The following PON2 variants were observed in gnomAD, a reference collection of about 807,000 sequenced individuals.
The protein encoded by PON2 is paraoxonase 2, also known as serum paraoxonase/arylesterase 2.
Under a neutral mutation model 36.6 loss-of-function variants are expected in PON2, and 27 were observed. The observed-to-expected ratio is 0.74, with a 90% confidence interval of 0.54 to 1.02. The LOEUF (loss-of-function observed/expected upper bound fraction) is 1.02. PON2 is among the 50% of genes least tolerant of loss of function. The pLI, the probability that PON2 is intolerant of heterozygous loss-of-function variation, is 0.00. For synonymous variants in PON2, 149 were observed against 156.3 expected, an observed-to-expected ratio of 0.95 and a Z score of 0.35; for missense variants, 363 against 421.1, an observed-to-expected ratio of 0.86 and a Z score of 1.21.
intron 4 of PON2, among the ~76,000 whole-genome samples, 175 bp downstream of exon 4, chr7:95,412,137 A>G (rs1370574743): frequency 2.6e-5 from 4 of 152,266 alleles, no homozygotes; most frequent in African/African-American, 9.6e-5. Context: ...AAAATGTAGC[A>G]TAACTTACTG....
intron 2 of PON2, 190 bp from the exon 3 acceptor site, chr7:95,416,487 T>C (rs1789065883): frequency 1.6e-6 from 1 of 634,530 alleles, no homozygotes; most frequent in African/African-American, 1.8e-5. Flanking sequence ...CTTCTGACTT[T>C]AAATGTTAGA....
In PON2 at chr7:95,411,746, G is replaced by T; in HGVS notation, c.401C>A (p.Pro134Gln). The T allele has an allele frequency of 2.5e-6, 4 of 1,613,448 alleles. No individual in the cohort carries two copies. Among genetic ancestry groups the T allele is most frequent in the Non-Finnish European group, 3.4e-6 (4 of 1,179,514 alleles). Residue 134 changes from proline to glutamine, a missense_variant, in exon 5 of 9, where the codon CCA becomes CAA. Physicochemically the swap from Pro to Gln is moderately conservative, Grantham distance 76. Coordinates refer to ENST00000222572, the MANE Select transcript of PON2 (RefSeq NM_000305.3). Reference protein sequence around the residue: ...DTVYLFVVNHPEFKNTVEIFK... With the variant: ...DTVYLFVVNHQEFKNTVEIFK... Reference sequence around the variant, plus strand: ...AATTTCCACTGTATTCTTGAATTCTGGGTGGTTTACAACAAAGAGATAAAC... The same window carrying T: ...AATTTCCACTGTATTCTTGAATTCTTGGTGGTTTACAACAAAGAGATAAAC...
chr7:95,424,605 A>C lies in PON2; in HGVS notation c.75-20T>G, dbSNP rs777887725. 1.0e-5 allele frequency: 16 copies of C among 1,580,600 alleles called. No homozygotes were observed. The East Asian group carries it at 1.1e-4, about 11-fold the overall frequency. On this transcript the variant is annotated intron_variant, in intron 1 of 8. Coordinates refer to ENST00000222572, the MANE Select transcript of PON2 (RefSeq NM_000305.3). ...CGATTTCTGTTACAAAGAAAAAAAA[A>C]CAAAAAACAAAAAACTATTTGTTTA...
rs535259292 is a variant in PON2 at position 95,408,250 on chromosome 7, T to C, written c.696-1182A>G. ...GGGAGCCCTTCAAGGCTAATAGAGATAGACAGACAAAATTGGCAAGAGTGA... is the reference window on the plus strand; with the variant it reads ...GGGAGCCCTTCAAGGCTAATAGAGACAGACAGACAAAATTGGCAAGAGTGA... On this transcript the variant is annotated intron_variant, in intron 6 of 8. Coordinates refer to ENST00000222572, the MANE Select transcript of PON2 (RefSeq NM_000305.3). Among the ~76,000 whole-genome samples the C allele has an allele frequency of 3.3e-5, 5 of 152,158 alleles. No individual in the cohort carries two copies. The South Asian group carries it at 1.0e-3, about 32-fold the overall frequency.
intron 1 of PON2, among the ~76,000 whole-genome samples, chr7:95,425,963 G>A (rs909840981): frequency 1.3e-5 from 2 of 151,960 alleles, no homozygotes; most frequent in Non-Finnish European, 2.9e-5. Flanking sequence ...CATGGCCTAC[G>A]TGTCACAGAA....
intron 1 of PON2, among the ~76,000 whole-genome samples, chr7:95,426,077 T>G (rs17876191): frequency 0.011 from 1,704 of 152,116 alleles, 26 homozygotes; most frequent in South Asian, 0.046. Context: ...ATGACGATGG[T>G]AGACACTGGG....
intron 6 of PON2, among the ~76,000 whole-genome samples, chr7:95,407,913 G>A (rs1036544669): frequency 6.6e-6 from 1 of 152,132 alleles, no homozygotes; most frequent in African/African-American, 2.4e-5. Flanking sequence ...GCACTTCCCA[G>A]GCAGAAGCAA....
At chr7:95,410,857 C>A (rs1264124088) in intron 5 of PON2, among the ~76,000 whole-genome samples, 2 of 151,964 alleles carry the variant, frequency 1.3e-5, no homozygotes, top group African/African-American at 4.8e-5. Context: ...GAAAGAGCAC[C>A]ATAATGCTTG....
chr7:95,422,907 T>C lies in PON2; in HGVS notation c.145+1608A>G, dbSNP rs148188050. 5.1e-4 allele frequency among the ~76,000 whole-genome samples: 77 copies of C among 152,330 alleles called. 2 individuals carry two copies. The East Asian group carries it at 0.015, about 29-fold the overall frequency. On this transcript the variant is annotated intron_variant, in intron 2 of 8. Transcript: ENST00000222572. ...TAGTCTAATCACAAACTCATCATTA[T>C]AGGTGACAAATACAAAAACCAACTT...
At chr7:95,424,288 C>G in intron 2 of PON2, 1 of 554,354 alleles carries the variant, frequency 1.8e-6, no homozygotes, top group East Asian at 3.1e-5. Flanking sequence ...AAATCAAATG[C>G]TAAACATAGA....
chr7:95,421,557 G>C (rs930382418), intron 2 of PON2, among the ~76,000 whole-genome samples: 2 of 152,098 alleles, frequency 1.3e-5, no homozygotes, highest in Admixed American at 1.3e-4. Flanking sequence ...AAGTTACTTG[G>C]GACTCTTGAA....
At position 95,410,010 on chromosome 7, in the gene PON2, A is replaced by G; in HGVS notation, c.586T>C (p.Tyr196His). Residue 196 changes from tyrosine to histidine, a missense_variant, in exon 6 of 9, where the codon TAC (tyrosine) becomes CAC (histidine). Transcript: ENST00000222572. Reference sequence around the variant, plus strand: ...ACATTTGCCCAGTGTAAGTTCAAGTATGTTTCTAAATACTTTAAGAAAGGA... The same window carrying G: ...ACATTTGCCCAGTGTAAGTTCAAGTGTGTTTCTAAATACTTTAAGAAAGGA... ...SDPFLKYLET[Y>H]LNLHWANVVY... 6.2e-7 allele frequency: 1 copy of G among 1,613,770 alleles called. No homozygotes were observed. Among genetic ancestry groups the G allele is most frequent in the East Asian group, 2.2e-5 (1 of 44,860 alleles).
At chr7:95,432,820 C>T (rs1040219327) in intron 1 of PON2, among the ~76,000 whole-genome samples, 6 of 152,198 alleles carry the variant, frequency 3.9e-5, no homozygotes, top group South Asian at 2.1e-4. Context: ...AGCCACCACA[C>T]GCTTCCTCTT....
chr7:95,407,772 C>A (rs147354042), intron 6 of PON2, among the ~76,000 whole-genome samples: 1 of 152,048 alleles, frequency 6.6e-6, no homozygotes, highest in East Asian at 1.9e-4. Context: ...ACATTAAACA[C>A]CTAATAAGCA....
chr7:95,425,238 A>G (rs1222736885), intron 1 of PON2, among the ~76,000 whole-genome samples: 1 of 152,212 alleles, frequency 6.6e-6, no homozygotes, highest in African/African-American at 2.4e-5. Flanking sequence ...CATCCATGAC[A>G]GTATGTATTG....
chr7:95,410,015 T>C lies in PON2; in HGVS notation c.581A>G (p.Glu194Gly), dbSNP rs1224957462. 3.1e-6 allele frequency: 5 copies of C among 1,613,618 alleles called. No individual in the cohort carries two copies. The highest frequency in any genetic ancestry group is 4.2e-6 in the Non-Finnish European group (5 of 1,179,610). ...TGCCCAGTGTAAGTTCAAGTATGTT[T>C]CTAAATACTTTAAGAAAGGATCAGA... is the stretch of plus-strand genomic sequence containing the variant. ...YFSDPFLKYL[E>G]TYLNLHWANV... is the part of the protein sequence containing the mutation. Residue 194 changes from glutamate to glycine, a missense_variant, in exon 6 of 9, where the codon GAA becomes GGA. By Grantham distance (98) the Glu-to-Gly change is moderately conservative (BLOSUM62 -2). Transcript: ENST00000222572.
chr7:95,406,125 C>A lies in PON2; in HGVS notation c.900G>T (p.Ser300=), dbSNP rs191021241. 1 of 1,613,502 alleles carries A rather than the reference C, an allele frequency of 6.2e-7. No homozygotes were observed. The highest frequency in any genetic ancestry group is 1.7e-5 in the Admixed American group (1 of 59,984). The change falls in exon 8 of 9, where the codon TCG becomes TCT. Residue 300 remains serine (S), a synonymous_variant. Coordinates refer to ENST00000222572, the MANE Select transcript of PON2 (RefSeq NM_000305.3). Reference sequence around the variant, plus strand: ...AAACTGAAAATATAAAAACCTCTGACGAGGGAGGATTGTTCGGGTCATACA... The same window carrying A: ...AAACTGAAAATATAAAAACCTCTGAAGAGGGAGGATTGTTCGGGTCATACA... The part of the protein sequence containing the change: ...LFVYDPNNPP[S]SEVLRIQNIL...
At chr7:95,412,545 G>A in intron 3 of PON2, 68 bp from the exon 4 acceptor site, 1 of 1,474,558 alleles carries the variant, frequency 6.8e-7, no homozygotes, top group East Asian at 2.3e-5. Flanking sequence ...CATGGGAACT[G>A]TACATGAAGG....
intron 3 of PON2, 168 bp from the exon 4 acceptor site, chr7:95,412,645 G>A (rs1788959624): frequency 4.5e-6 from 3 of 672,252 alleles, no homozygotes; most frequent in East Asian, 5.5e-5. Flanking sequence ...ATAACGGGGA[G>A]GTGGAATACT....
Sources: gnomAD v4.1 joint callset for allele counts (sites outside exome capture counted in the v4.1 genomes callset) on GRCh38, gnomAD v4.1.1 for gene constraint, MANE v1.5 for transcripts, NCBI Gene and HGNC (gene_info 2026-07-23, HGNC 2026-07-21) for gene names.